Variants in PCNX2 observed in about 807,000 individuals in gnomAD.
PCNX2 encodes pecanex 2, also known as pecanex-like protein 2.
PCNX2 carries 168 observed loss-of-function variants against 223.8 expected under a neutral mutation model. That is an observed-to-expected ratio of 0.75 (90% CI 0.66 to 0.85). The LOEUF (loss-of-function observed/expected upper bound fraction) is 0.85. Among genes scored for constraint, PCNX2 ranks in the 40% least tolerant of loss-of-function variants. The probability of loss-of-function intolerance (pLI) is 0.00; values close to 1 mark genes in which losing one functional copy is unlikely to be tolerated. For missense variants in PCNX2, 2,507 were observed against 2,675.5 expected (o/e 0.94, Z 1.39); for synonymous variants, 1,006 against 1,052.6 (o/e 0.96, Z 0.86).
At chr1:233,301,951 C>A in the PCNX2 span, among the ~76,000 whole-genome samples, 10 of 147,992 alleles carry the variant, frequency 6.8e-5, no homozygotes, top group Non-Finnish European at 1.4e-4. Context: ...ACCACCACCC[C>A]CGGCTAATTT....
chr1:233,290,576 C>T (rs887276186), intron 1 of PCNX2: 14 of 262,944 alleles, frequency 5.3e-5, no homozygotes, highest in Admixed American at 6.5e-5. Context: ...AATGACACAC[C>T]AGAATGGGAA....
chr1:233,119,013 G>T (rs1467187495), intron 21 of PCNX2, among the ~76,000 whole-genome samples: 2 of 152,068 alleles, frequency 1.3e-5, no homozygotes, highest in Non-Finnish European at 2.9e-5. Context: ...AAACAGATGG[G>T]TCAATAGAAT....
In PCNX2 at chr1:233,258,138, T is replaced by A. The variant is rs1346298295; in HGVS notation, c.1724A>T (p.Asn575Ile). Residue 575 changes from asparagine (N) to isoleucine (I), a missense_variant, in exon 5 of 34, where the codon AAC (asparagine) becomes ATC (isoleucine). By Grantham distance (149) the Asn-to-Ile change is moderately radical. This residue lies in a region of PCNX2 where 1,031 missense variants were observed against 1,021.7 expected (regional missense o/e 1.01). Transcript: ENST00000258229. ...AKEGQMPNES[N>I]FLEFVSLLES... is the part of the protein sequence containing the mutation. ...TAACAGGGAGACAAATTCCAGGAAG[T>A]TGGACTCATTTGGCATTTGTCCTTC... The A allele has an allele frequency of 1.2e-6, 2 of 1,613,996 alleles. No homozygotes were observed. The highest frequency in any genetic ancestry group is 1.7e-6 in the Non-Finnish European group (2 of 1,179,872).
intron 19 of PCNX2, among the ~76,000 whole-genome samples, chr1:233,144,961 T>G (rs986245097): frequency 1.8e-5 from 2 of 108,206 alleles, no homozygotes; most frequent in African/African-American, 6.9e-5. Flanking sequence ...TTGTTTTTTT[T>G]TTTTGTTTCT....
intron 8 of PCNX2, chr1:233,241,258 C>G (rs1658745415): frequency 2.0e-6 from 2 of 985,402 alleles, no homozygotes; most frequent in Non-Finnish European, 2.4e-6. Context: ...GAGCATGGGA[C>G]CTGACTGCCA....
intron 13 of PCNX2, among the ~76,000 whole-genome samples, chr1:233,204,798 C>T (rs567601711): frequency 6.6e-6 from 1 of 152,260 alleles, no homozygotes; most frequent in South Asian, 2.1e-4. Flanking sequence ...ATTTAATCGG[C>T]TTGCTGGATT....
chr1:233,209,049 G>A (rs1243322251), intron 12 of PCNX2, among the ~76,000 whole-genome samples: 1 of 151,994 alleles, frequency 6.6e-6, no homozygotes, highest in Non-Finnish European at 1.5e-5. Flanking sequence ...TTCATTCCAA[G>A]TGCAAAACTA....
At chr1:233,099,455 T>C (rs1486834457) in intron 21 of PCNX2, among the ~76,000 whole-genome samples, 3 of 152,136 alleles carry the variant, frequency 2.0e-5, no homozygotes, top group Non-Finnish European at 2.9e-5. Context: ...TAAAATATGA[T>C]ACTACCCAAA....
intron 28 of PCNX2, among the ~76,000 whole-genome samples, chr1:233,004,854 C>G (rs1016241597): frequency 6.6e-6 from 1 of 152,212 alleles, no homozygotes; most frequent in Non-Finnish European, 1.5e-5. Context: ...GAAACAGGAA[C>G]AGCCAGGGGC....
chr1:233,062,367 T>C (rs1672438644), intron 23 of PCNX2, among the ~76,000 whole-genome samples: 1 of 152,234 alleles, frequency 6.6e-6, no homozygotes. Flanking sequence ...TTTGATCACT[T>C]GATGGGTCAT....
chr1:233,325,617 A>T, the PCNX2 span, among the ~76,000 whole-genome samples: 4 of 152,118 alleles, frequency 2.6e-5, no homozygotes, highest in Non-Finnish European at 5.9e-5. Context: ...CGGAGCTTGC[A>T]TGAGCCGAGA....
chr1:233,129,470 T>C (rs1008555005), intron 21 of PCNX2, among the ~76,000 whole-genome samples: 2 of 152,154 alleles, frequency 1.3e-5, no homozygotes, highest in African/African-American at 4.8e-5. Flanking sequence ...GCACCAGGTG[T>C]CATCAACCAA....
At chr1:233,294,218 C>T (rs1661937755) in intron 1 of PCNX2, among the ~76,000 whole-genome samples, 1 of 152,148 alleles carries the variant, frequency 6.6e-6, no homozygotes, top group South Asian at 2.1e-4. Flanking sequence ...AGACCTGTGG[C>T]TTTATATGTA....
chr1:233,292,202 CTTTTTTTTTT>C (rs963996089), intron 1 of PCNX2, among the ~76,000 whole-genome samples: 1 of 109,486 alleles, frequency 9.1e-6, no homozygotes. Flanking sequence ...TTCTTTCTTT[CTTTTTTTTTT>C]TTTTTTTTTT....
chr1:233,094,534 TGAGA>T (rs1674049702), intron 22 of PCNX2, among the ~76,000 whole-genome samples: 1 of 152,192 alleles, frequency 6.6e-6, no homozygotes, highest in Non-Finnish European at 1.5e-5. Context: ...ATGTGTATTG[TGAGA>T]TCCACTCTTC....
chr1:233,026,226 C>T lies in PCNX2; in HGVS notation c.4352-827G>A, dbSNP rs183632329. Among the ~76,000 whole-genome samples, 473 of 152,228 alleles carry T rather than the reference C, an allele frequency of 3.1e-3. 8 individuals carry two copies. Among genetic ancestry groups the T allele is most frequent in the Admixed American group, 0.014 (220 of 15,298 alleles). ...CTGAAGGAGGTCGGGGGGAACTCAG[C>T]GCAGATAACTGAGAGAAGGGTTTTC... On this transcript the variant is annotated intron_variant, in intron 25 of 33. Transcript: ENST00000258229.
intron 23 of PCNX2, among the ~76,000 whole-genome samples, chr1:233,069,378 C>T (rs1351697501): frequency 6.6e-6 from 1 of 152,112 alleles, no homozygotes; most frequent in Non-Finnish European, 1.5e-5. Flanking sequence ...ACATTTACTG[C>T]ACACTCCACC....
intron 21 of PCNX2, among the ~76,000 whole-genome samples, chr1:233,122,633 C>A (rs979866470): frequency 1.3e-5 from 2 of 151,870 alleles, no homozygotes; most frequent in Non-Finnish European, 2.9e-5. Flanking sequence ...AAGCAATCCT[C>A]CTGCCTCAGC....
At chr1:233,071,310 T>C (rs1449988843) in intron 23 of PCNX2, among the ~76,000 whole-genome samples, 1 of 152,174 alleles carries the variant, frequency 6.6e-6, no homozygotes, top group African/African-American at 2.4e-5. Context: ...ATCCTCTCCC[T>C]CTTCTTACCC....
Sources: gnomAD v4.1 joint callset for allele counts (sites outside exome capture counted in the v4.1 genomes callset) on GRCh38, gnomAD v4.1.1 for gene constraint, gnomAD v4.1.1 regional missense constraint, MANE v1.5 for transcripts, NCBI Gene and HGNC (gene_info 2026-07-23, HGNC 2026-07-21) for gene names.